ADGRL2: variants seen among roughly 807,000 people sequenced by gnomAD.
The protein encoded by ADGRL2 is calcium-independent alpha-latrotoxin receptor 2.
ADGRL2 carries 44 observed loss-of-function variants against 157.4 expected under a neutral mutation model. The ratio of observed to expected loss-of-function variants is 0.28; its 90% CI spans 0.22 to 0.36. The LOEUF (loss-of-function observed/expected upper bound fraction) is 0.36, where lower values mean the gene tolerates loss of function less well. Ranked by LOEUF, ADGRL2 falls within the 10% of genes least tolerant of loss-of-function variation. ADGRL2 has a pLI of 1.00. For missense variants in ADGRL2, 1,510 were observed against 1,768.9 expected (o/e 0.85, Z 2.63); for synonymous variants, 585 against 624.7 (o/e 0.94, Z 0.95).
chr1:81,326,697 G>T (rs756796572), intron 1 of ADGRL2, among the ~76,000 whole-genome samples: 3 of 152,122 alleles, frequency 2.0e-5, no homozygotes, highest in Non-Finnish European at 2.9e-5. Context: ...GTGACTCAGG[G>T]CTGTTATTTT....
At chr1:81,338,818 A>G (rs915375984) in intron 1 of ADGRL2, among the ~76,000 whole-genome samples, 4 of 152,182 alleles carry the variant, frequency 2.6e-5, no homozygotes, top group Admixed American at 1.3e-4. Flanking sequence ...CTTGGCTTCA[A>G]TGTCCAACCT....
chr1:81,487,403 G>C (rs759888495), intron 2 of ADGRL2, among the ~76,000 whole-genome samples: 1 of 152,156 alleles, frequency 6.6e-6, no homozygotes, highest in Non-Finnish European at 1.5e-5. Flanking sequence ...CCAGCACTTT[G>C]GGAGGCTGAG....
intron 2 of ADGRL2, among the ~76,000 whole-genome samples, chr1:81,850,657 C>G (rs17107348): frequency 0.047 from 7,208 of 151,862 alleles, 505 homozygotes; most frequent in African/African-American, 0.15. Context: ...GAGGCTTTTT[C>G]TAATCTAAAC....
intron 2 of ADGRL2, among the ~76,000 whole-genome samples, chr1:81,478,148 T>C (rs1396402693): frequency 2.0e-5 from 3 of 152,176 alleles, no homozygotes; most frequent in Non-Finnish European, 4.4e-5. Context: ...GCGATAATTA[T>C]TCCTTGGGGG....
chr1:81,917,675 C>G (rs558112590), intron 3 of ADGRL2, among the ~76,000 whole-genome samples: 71 of 152,286 alleles, frequency 4.7e-4, no homozygotes, highest in African/African-American at 1.6e-3. Context: ...ACTCACCTAT[C>G]TACATTACTC....
At chr1:81,538,535 A>G (rs1276092974) in intron 2 of ADGRL2, among the ~76,000 whole-genome samples, 2 of 152,218 alleles carry the variant, frequency 1.3e-5, no homozygotes, top group Admixed American at 6.5e-5. Context: ...TTCAGGCACA[A>G]CCACACTAGA....
chr1:81,651,705 T>C (rs1345356758), intron 3 of ADGRL2, among the ~76,000 whole-genome samples: 1 of 152,190 alleles, frequency 6.6e-6, no homozygotes, highest in Admixed American at 6.5e-5. Flanking sequence ...AGAATGCTCC[T>C]GTCAACCAGG....
intron 17 of ADGRL2, among the ~76,000 whole-genome samples, chr1:81,977,830 A>G (rs912011756): frequency 2.0e-5 from 3 of 151,748 alleles, no homozygotes; most frequent in African/African-American, 7.2e-5. Flanking sequence ...CCTTATGTTC[A>G]GAAGTTTGGG....
At chr1:81,310,952 C>G (rs1255903123) in intron 1 of ADGRL2, among the ~76,000 whole-genome samples, 2 of 151,948 alleles carry the variant, frequency 1.3e-5, no homozygotes, top group African/African-American at 4.8e-5. Flanking sequence ...TGACCTACAA[C>G]CATTTGAAGA....
At chr1:81,805,439 C>A (rs1003052382) in intron 1 of ADGRL2, among the ~76,000 whole-genome samples, 1 of 151,868 alleles carries the variant, frequency 6.6e-6, no homozygotes, top group Non-Finnish European at 1.5e-5. Flanking sequence ...TGTTTGGTTG[C>A]TTTTGAATAT....
intron 1 of ADGRL2, chr1:81,427,422 A>T: frequency 1.3e-6 from 1 of 749,288 alleles, no homozygotes; most frequent in Non-Finnish European, 2.4e-6. Flanking sequence ...GATGGTTGCA[A>T]TGGAGGAAAT....
intron 3 of ADGRL2, among the ~76,000 whole-genome samples, chr1:81,597,157 C>G (rs999249217): frequency 6.6e-6 from 1 of 152,116 alleles, no homozygotes; most frequent in Admixed American, 6.6e-5. Context: ...AATCCTTTGC[C>G]TTTGACATCT....
At chr1:81,932,922 C>T (rs2095255488) in intron 3 of ADGRL2, among the ~76,000 whole-genome samples, 1 of 151,904 alleles carries the variant, frequency 6.6e-6, no homozygotes, top group African/African-American at 2.4e-5. Context: ...GGCTGGTCTC[C>T]AAATCCCGAC....
intron 2 of ADGRL2, among the ~76,000 whole-genome samples, chr1:81,787,548 G>A (rs1018619734): frequency 4.6e-5 from 7 of 152,016 alleles, no homozygotes; most frequent in African/African-American, 1.2e-4. Context: ...CCAGCTACTC[G>A]GGAAGCTGAG....
chr1:81,545,806 A>ACC (rs2080001820), intron 2 of ADGRL2, among the ~76,000 whole-genome samples: 1 of 151,924 alleles, frequency 6.6e-6, no homozygotes, highest in Non-Finnish European at 1.5e-5. Context: ...AGAGGTCCTA[A>ACC]CCCCCACACT....
At chr1:81,700,911 C>T (rs2083556978) in intron 1 of ADGRL2, among the ~76,000 whole-genome samples, 1 of 152,284 alleles carries the variant, frequency 6.6e-6, no homozygotes, top group African/African-American at 2.4e-5. Context: ...GAAAAATCAG[C>T]TTTAATTAAT....
intron 1 of ADGRL2, among the ~76,000 whole-genome samples, chr1:81,824,577 C>T (rs1449556169): frequency 6.6e-6 from 1 of 152,110 alleles, no homozygotes; most frequent in Non-Finnish European, 1.5e-5. Flanking sequence ...CACCTGGCTG[C>T]AAAAGACATT....
At chr1:81,411,970 A>G (rs1212255461) in intron 1 of ADGRL2, among the ~76,000 whole-genome samples, 1 of 152,140 alleles carries the variant, frequency 6.6e-6, no homozygotes, top group Non-Finnish European at 1.5e-5. Context: ...TAGCTCTTAG[A>G]CATCTCTTCA....
chr1:81,503,045 C>T, intron 2 of ADGRL2: 1 of 1,611,584 alleles, frequency 6.2e-7, no homozygotes, highest in Non-Finnish European at 8.5e-7. Flanking sequence ...CGGACCGCCG[C>T]ACTGGAGCAG....
Sources: gnomAD v4.1 joint callset for allele counts (sites outside exome capture counted in the v4.1 genomes callset) on GRCh38, gnomAD v4.1.1 for gene constraint, MANE v1.5 for transcripts, NCBI Gene and HGNC (gene_info 2026-07-23, HGNC 2026-07-21) for gene names.